Variants in C1orf159 observed in about 807,000 individuals in gnomAD.
The protein encoded by C1orf159 is uncharacterized protein C1orf159.
A neutral mutation model predicts 25.6 loss-of-function variants in C1orf159; 19 were observed. The ratio of observed to expected loss-of-function variants is 0.74; its 90% CI spans 0.52 to 1.09. C1orf159 has a LOEUF of 1.09. C1orf159 is among the 50% of genes least tolerant of loss of function. C1orf159 has a pLI of 0.00. For synonymous variants in C1orf159, 139 were observed against 124.7 expected, an observed-to-expected ratio of 1.12 and a Z score of -0.77; for missense variants, 274 against 290.6, an observed-to-expected ratio of 0.94 and a Z score of 0.42.
At chr1:1,086,483 G>A (rs980075216) in intron 6 of C1orf159, among the ~76,000 whole-genome samples, 1 of 152,252 alleles carries the variant, frequency 6.6e-6, no homozygotes. Context: ...ACAGGCCAGG[G>A]CTGCTGGCCT....
At position 1,106,272 on chromosome 1, in the gene C1orf159, C is replaced by T. The variant is rs536003476; in HGVS notation, c.-136+9788G>A. 7 of 152,254 alleles carry T rather than the reference C, an allele frequency of 4.6e-5. No homozygotes were observed. In the East Asian group the frequency reaches 9.6e-4, roughly 21 times the overall value. 9.4% of individuals were successfully genotyped at this position (152,254 alleles called of 1,614,324 possible). A position where few individuals can be genotyped will look rare whatever the true frequency, so the allele number is the denominator to read the frequency against. ...ATTAAATACTTCAATTAAAAACTAT[C>T]GATTAATGTCACTATTAGGGAAATG... On this transcript the variant is annotated intron_variant, in intron 1 of 9. Transcript: ENST00000421241.
chr1:1,103,930 CT>C (rs1646136754), intron 1 of C1orf159, among the ~76,000 whole-genome samples: 1 of 151,970 alleles, frequency 6.6e-6, no homozygotes, highest in South Asian at 2.1e-4. Flanking sequence ...AATTCTCCGT[CT>C]CAGCCTCCCA....
At chr1:1,103,406 C>T (rs189399130) in intron 1 of C1orf159, among the ~76,000 whole-genome samples, 8 of 152,216 alleles carry the variant, frequency 5.3e-5, no homozygotes, top group Admixed American at 3.9e-4. Context: ...GTACCCTGTA[C>T]ATTGCAAACG....
chr1:1,107,154 G>A (rs1646186179), intron 1 of C1orf159, among the ~76,000 whole-genome samples: 1 of 152,280 alleles, frequency 6.6e-6, no homozygotes, highest in African/African-American at 2.4e-5. Context: ...GTAGCGCACG[G>A]CACTGGACTG....
In C1orf159 at chr1:1,092,025, C is replaced by A. The variant is rs1466802156; in HGVS notation, c.-57G>T. 1.3e-5 allele frequency: 6 copies of A among 456,426 alleles called. No homozygotes were observed. The allele number at this position is 456,426 out of a possible 1,614,324, so 28.3% of individuals were successfully genotyped here. ...CAGGATGGGGACTACCGACATCAGC[C>A]CTTTGCCCGCCTGGGTGTTCAGGGG... On this transcript the variant is annotated 5_prime_UTR_variant, in exon 2 of 10. Coordinates refer to ENST00000421241, the MANE Select transcript of C1orf159 (RefSeq NM_017891.5).
At position 1,082,151 on chromosome 1, in the gene C1orf159, A is replaced by G. The variant is rs1467797020; in HGVS notation, c.*742T>C. On this transcript the variant is annotated 3_prime_UTR_variant, in exon 10 of 10. Coordinates refer to ENST00000421241, the MANE Select transcript of C1orf159 (RefSeq NM_017891.5). ...TGAGGCAGTGACTTGTGGGGGTTAG[A>G]TGTGGGCCTGCCCCACGTGGGCAGG... 1 of 152,680 alleles carries G rather than the reference A, an allele frequency of 6.5e-6. No homozygotes were observed. Among genetic ancestry groups the G allele is most frequent in the Non-Finnish European group, 1.5e-5 (1 of 68,272 alleles). The allele number at this position is 152,680 out of a possible 1,614,324, so 9.5% of individuals were successfully genotyped here. A position where few individuals can be genotyped will look rare whatever the true frequency, so the allele number is the denominator to read the frequency against.
intron 1 of C1orf159, among the ~76,000 whole-genome samples, chr1:1,102,236 G>C (rs1289739190): frequency 6.6e-6 from 1 of 151,932 alleles, no homozygotes; most frequent in Non-Finnish European, 1.5e-5. Context: ...TGTCCACTGT[G>C]CCTCTCCTCT....
chr1:1,087,764 C>T lies in C1orf159; in HGVS notation c.149-167G>A, dbSNP rs1051072575. The T allele has an allele frequency of 2.3e-5, 14 of 616,524 alleles. No individual in the cohort carries two copies. Among genetic ancestry groups the T allele is most frequent in the African/African-American group, 1.1e-4 (6 of 54,124 alleles). 38.2% of individuals were successfully genotyped at this position (616,524 alleles called of 1,614,324 possible). On this transcript the variant is annotated intron_variant, in intron 4 of 9. Coordinates refer to ENST00000421241, the MANE Select transcript of C1orf159 (RefSeq NM_017891.5). The surrounding 1 kb of genome is among the most constrained non-coding windows in gnomAD (Gnocchi z 8.3). ...ACAAGGACACCCCCAGGGAGCATGG[C>T]GGGGCCGTGAGCACCCCACGCTGAG...
chr1:1,114,705 G>A (rs1646310058), intron 1 of C1orf159, among the ~76,000 whole-genome samples: 1 of 152,266 alleles, frequency 6.6e-6, no homozygotes, highest in South Asian at 2.1e-4. Flanking sequence ...AATGCAAACG[G>A]GGAACATAAA....
At chr1:1,094,183 G>A (rs957360756) in intron 1 of C1orf159, among the ~76,000 whole-genome samples, 1 of 149,348 alleles carries the variant, frequency 6.7e-6, no homozygotes, top group African/African-American at 2.5e-5. Flanking sequence ...CTGCAGCCTT[G>A]ACCTCCAGGG....
intron 2 of C1orf159, 89 bp from the exon 3 acceptor site, chr1:1,091,654 T>C (rs1570313327): frequency 1.3e-6 from 1 of 745,066 alleles, no homozygotes; most frequent in Non-Finnish European, 2.0e-6. Context: ...GGTCAAGAGA[T>C]GTTGGGGGGG....
chr1:1,091,048 G>T, intron 3 of C1orf159: 2 of 1,323,852 alleles, frequency 1.5e-6, no homozygotes, highest in East Asian at 2.5e-5. Flanking sequence ...AATCCACACC[G>T]CCAGGGAGGG....
intron 1 of C1orf159, among the ~76,000 whole-genome samples, chr1:1,115,670 G>A (rs1432538234): frequency 4.1e-5 from 2 of 48,530 alleles, no homozygotes; most frequent in East Asian, 8.3e-4. Flanking sequence ...TCCCTGCCCC[G>A]GGAACCTTTC....
intron 1 of C1orf159, among the ~76,000 whole-genome samples, chr1:1,098,855 A>T (rs1210714353): frequency 6.6e-6 from 1 of 152,094 alleles, no homozygotes; most frequent in Non-Finnish European, 1.5e-5. Flanking sequence ...CAGGTGATCC[A>T]CCCGACTCGG....
rs569737633 is a variant in C1orf159 at position 1,089,018 on chromosome 1, G to A, written c.148+1335C>T. Among the ~76,000 whole-genome samples, 5 of 152,346 alleles carry A rather than the reference G, an allele frequency of 3.3e-5. No individual in the cohort carries two copies. The highest frequency in any genetic ancestry group is 1.9e-4 in the East Asian group (1 of 5,188). On this transcript the variant is annotated intron_variant, in intron 4 of 9. Transcript: ENST00000421241. The surrounding 1 kb of genome is among the most constrained non-coding windows in gnomAD (Gnocchi z 7.5). ...TCTGAGAGTCTCTGCCCCGGAGGCC[G>A]AAGAACGGAGTCCACGGCAGGGAGC...
At position 1,091,167 on chromosome 1, in the gene C1orf159, G is replaced by A. The variant is rs112164424; in HGVS notation, c.72+305C>T. 1.7e-3 allele frequency: 1,050 copies of A among 619,080 alleles called. 8 individuals are homozygous for A. Among genetic ancestry groups the A allele is most frequent in the African/African-American group, 0.015 (796 of 54,318 alleles). 38.3% of individuals were successfully genotyped at this position (619,080 alleles called of 1,614,324 possible). A position where few individuals can be genotyped will look rare whatever the true frequency, so the allele number is the denominator to read the frequency against. On this transcript the variant is annotated intron_variant, in intron 3 of 9. Coordinates refer to ENST00000421241, the MANE Select transcript of C1orf159 (RefSeq NM_017891.5). ...CGCCGCAGCTACACTCCCCGATAGC[G>A]ATGCGCGGCACGCTGTGCTGTCACC...
intron 1 of C1orf159, 48 bp from the exon 2 acceptor site, chr1:1,092,151 C>A: frequency 2.8e-6 from 1 of 361,830 alleles, no homozygotes; most frequent in Admixed American, 3.4e-5. Context: ...GAGGGCAACC[C>A]AGGTGGGCCG....
chr1:1,097,469 G>A (rs1646023603), intron 1 of C1orf159, among the ~76,000 whole-genome samples: 2 of 152,132 alleles, frequency 1.3e-5, no homozygotes, highest in East Asian at 1.9e-4. Flanking sequence ...CTGGAGTGCA[G>A]TGGTGTGATC....
Position 1,110,333 on chromosome 1 carries a change from G to A in C1orf159, c.-136+5727C>T, listed in dbSNP as rs1274042807. On this transcript the variant is annotated intron_variant, in intron 1 of 9. Transcript: ENST00000421241. The surrounding 1 kb of genome is among the most constrained non-coding windows in gnomAD (Gnocchi z 4.8). The stretch of plus-strand genomic sequence containing the variant: ...CTCGTTCAGTCGGCGGGGGACTTAG[G>A]ATTTTATTCTTAGTTTACAACATCA... Among the ~76,000 whole-genome samples the A allele has an allele frequency of 6.6e-6, 1 of 152,124 alleles. No individual in the cohort carries two copies. Among genetic ancestry groups the A allele is most frequent in the Non-Finnish European group, 1.5e-5 (1 of 68,014 alleles).
Sources: gnomAD v4.1 joint callset for allele counts (sites outside exome capture counted in the v4.1 genomes callset) on GRCh38, gnomAD v4.1.1 for gene constraint, Gnocchi (gnomAD v3.1) non-coding constraint, MANE v1.5 for transcripts, NCBI Gene and HGNC (gene_info 2026-07-23, HGNC 2026-07-21) for gene names.